The following HPSE2 variants were observed in gnomAD, a reference collection of about 807,000 sequenced individuals.
HPSE2 encodes the protein inactive heparanase-2.
In HPSE2, 38 loss-of-function variants were observed where a neutral mutation model predicts 60.5. That is an observed-to-expected ratio of 0.63 (90% confidence interval 0.48 to 0.82). The LOEUF (loss-of-function observed/expected upper bound fraction) is 0.82. Among genes scored for constraint, HPSE2 ranks in the 40% least tolerant of loss-of-function variants. The probability of loss-of-function intolerance (pLI) is 0.00; values close to 1 mark genes in which losing one functional copy is unlikely to be tolerated. For synonymous variants in HPSE2, 295 were observed against 293.2 expected (o/e 1.01, Z -0.06); for missense variants, 713 against 740.4 (o/e 0.96, Z 0.43).
At chr10:99,115,302 C>T (rs367711355) in intron 3 of HPSE2, among the ~76,000 whole-genome samples, 1 of 151,968 alleles carries the variant, frequency 6.6e-6, no homozygotes, top group African/African-American at 2.4e-5. Context: ...TGCAGGCGCC[C>T]GCCAACACAC....
At chr10:98,576,205 T>C (rs1263457455) in intron 9 of HPSE2, among the ~76,000 whole-genome samples, 2 of 152,022 alleles carry the variant, frequency 1.3e-5, no homozygotes, top group Non-Finnish European at 2.9e-5. Context: ...AAAGGTGTCA[T>C]GGAAGAGCAC....
At chr10:98,876,085 A>C (rs1952869456) in intron 3 of HPSE2, among the ~76,000 whole-genome samples, 1 of 151,956 alleles carries the variant, frequency 6.6e-6, no homozygotes, top group African/African-American at 2.4e-5. Flanking sequence ...TGAGGATCAA[A>C]GACCTAATTC....
In HPSE2 at chr10:99,126,951, G is replaced by A. The variant is rs1845187347; in HGVS notation, c.610+17287C>T. Reference sequence around the variant, plus strand: ...CCCCATCCCTAGGGGAAGGGGAAGAGCACCACATGAAGGGATCACACCATG... The same window carrying A: ...CCCCATCCCTAGGGGAAGGGGAAGAACACCACATGAAGGGATCACACCATG... On this transcript the variant is annotated intron_variant, in intron 3 of 11. Transcript: ENST00000370552. The surrounding 1 kb of genome is among the most constrained non-coding windows in gnomAD (Gnocchi z 4.0). 6.6e-6 allele frequency among the ~76,000 whole-genome samples: 1 copy of A among 152,146 alleles called. No homozygotes were observed. Among genetic ancestry groups the A allele is most frequent in the South Asian group, 2.1e-4 (1 of 4,830 alleles).
intron 9 of HPSE2, among the ~76,000 whole-genome samples, chr10:98,528,905 C>T (rs1943051316): frequency 6.6e-6 from 1 of 152,228 alleles, no homozygotes; most frequent in African/African-American, 2.4e-5. Flanking sequence ...CAGTCATCTC[C>T]AGCCAAACCA....
At chr10:99,075,176 TTTCTC>T (rs1842917733) in intron 3 of HPSE2, among the ~76,000 whole-genome samples, 1 of 152,174 alleles carries the variant, frequency 6.6e-6, no homozygotes, top group Admixed American at 6.5e-5. Context: ...ACTATCAACT[TTTCTC>T]TTAGGATCAC....
chr10:98,923,714 T>C (rs1353127578), intron 3 of HPSE2, among the ~76,000 whole-genome samples: 2 of 152,122 alleles, frequency 1.3e-5, no homozygotes, highest in African/African-American at 4.8e-5. Flanking sequence ...GCATGTCAAC[T>C]ACAGTTTTCA....
At chr10:98,997,187 A>T (rs1212814941) in intron 3 of HPSE2, among the ~76,000 whole-genome samples, 1 of 138,456 alleles carries the variant, frequency 7.2e-6, no homozygotes, top group Admixed American at 8.2e-5. Context: ...ATCTCAGCTC[A>T]CTGCAACCTC....
chr10:99,278,657 C>A, the HPSE2 span, among the ~76,000 whole-genome samples: 1 of 152,210 alleles, frequency 6.6e-6, no homozygotes, highest in Admixed American at 6.5e-5. Context: ...GAGTAGGCAA[C>A]TAGCATTCAT....
chr10:99,300,197 T>C, the HPSE2 span, among the ~76,000 whole-genome samples: 4 of 151,940 alleles, frequency 2.6e-5, no homozygotes, highest in Non-Finnish European at 5.9e-5. Context: ...CAGTGTGCCT[T>C]CTGTAATCAA....
chr10:98,641,695 G>A (rs2134036002), intron 7 of HPSE2, 152 bp downstream of exon 7: 1 of 732,972 alleles, frequency 1.4e-6, no homozygotes, highest in Non-Finnish European at 2.5e-6. Flanking sequence ...AACTGTGATG[G>A]GGAGCTTGTG....
intron 9 of HPSE2, among the ~76,000 whole-genome samples, chr10:98,614,065 G>A (rs891850490): frequency 3.9e-5 from 6 of 152,008 alleles, no homozygotes; most frequent in African/African-American, 7.3e-5. Flanking sequence ...ATTGTCACAC[G>A]GGGCTCATCA....
chr10:98,692,125 A>G (rs1003285333), intron 6 of HPSE2, among the ~76,000 whole-genome samples: 5 of 152,214 alleles, frequency 3.3e-5, no homozygotes, highest in Admixed American at 2.6e-4. Flanking sequence ...GGATAGAATC[A>G]TCAGGGAAGG....
At chr10:98,695,577 A>T (rs949387516) in intron 5 of HPSE2, among the ~76,000 whole-genome samples, 13 of 152,198 alleles carry the variant, frequency 8.5e-5, no homozygotes, top group African/African-American at 2.9e-4. Context: ...GTTCCATTAT[A>T]TAGATTACCA....
At chr10:98,652,790 C>T (rs932955383) in intron 6 of HPSE2, among the ~76,000 whole-genome samples, 2 of 152,088 alleles carry the variant, frequency 1.3e-5, no homozygotes, top group Non-Finnish European at 2.9e-5. Flanking sequence ...TCTCTCTTAC[C>T]CAGTGGTTAT....
intron 5 of HPSE2, 91 bp downstream of exon 5, chr10:98,721,558 AAAATAAAT>A (rs147098746): frequency 2.2e-5 from 26 of 1,186,396 alleles, no homozygotes; most frequent in Non-Finnish European, 3.1e-5. Context: ...TCTTAAGACC[AAAATAAAT>A]AAATAAATAA....
chr10:98,664,406 G>GTGTA (rs1414913597), intron 6 of HPSE2, among the ~76,000 whole-genome samples: 1 of 152,118 alleles, frequency 6.6e-6, no homozygotes, highest in Non-Finnish European at 1.5e-5. Context: ...TCCAAGAAGG[G>GTGTA]TGTAGCCTGT....
chr10:98,511,558 G>GTA (rs1564929688), intron 9 of HPSE2, among the ~76,000 whole-genome samples: 1 of 27,720 alleles, frequency 3.6e-5, no homozygotes, highest in Admixed American at 2.7e-4. Context: ...TAACTATGGT[G>GTA]TGTGTGTGTG....
intron 6 of HPSE2, among the ~76,000 whole-genome samples, chr10:98,687,679 T>C (rs1186510634): frequency 1.3e-5 from 2 of 152,238 alleles, no homozygotes; most frequent in African/African-American, 4.8e-5. Context: ...TCCTGATGAA[T>C]TGATCCTTGT....
intron 3 of HPSE2, among the ~76,000 whole-genome samples, chr10:98,836,229 T>C (rs1417249516): frequency 3.9e-5 from 6 of 152,224 alleles, no homozygotes; most frequent in African/African-American, 1.4e-4. Flanking sequence ...CGTGAATTGC[T>C]GATAAAAGCC....
Sources: allele counts gnomAD v4.1 joint callset (sites outside exome capture counted in the v4.1 genomes callset), GRCh38; gene constraint gnomAD v4.1.1; non-coding constraint Gnocchi (gnomAD v3.1); transcripts MANE v1.5; gene names NCBI Gene and HGNC (gene_info 2026-07-23, HGNC 2026-07-21).